The following SOX15 variants were observed in gnomAD, a reference collection of about 807,000 sequenced individuals.
SOX15 encodes the protein transcription factor SOX-15.
In SOX15, 12 loss-of-function variants were observed where a neutral mutation model predicts 15.9. That is an observed-to-expected ratio of 0.75 (90% CI 0.48 to 1.22). The LOEUF is 1.22. Ranked by LOEUF, SOX15 falls within the 50% of genes most tolerant of loss-of-function variation. The pLI is 0.00. For synonymous variants in SOX15, 149 were observed against 142.8 expected, an observed-to-expected ratio of 1.04 and a Z score of -0.31; for missense variants, 309 against 313.9, an observed-to-expected ratio of 0.98 and a Z score of 0.12.
rs1167634617 is a variant in SOX15, at chr17:7,589,657, G to A, written c.20C>T (p.Ser7Leu). 1.3e-6 allele frequency: 2 copies of A among 1,543,128 alleles called. No individual in the cohort carries two copies. The highest frequency in any genetic ancestry group is 1.7e-6 in the Non-Finnish European group (2 of 1,147,732). The change falls in exon 1 of 2, where the codon TCA becomes TTA. Residue 7 changes from serine to leucine, a missense_variant. Coordinates refer to ENST00000250055, the MANE Select transcript of SOX15 (RefSeq NM_006942.2). MALPGSSQDQAWSLEPP... is the reference protein window; with the variant it reads MALPGSLQDQAWSLEPP... ...CTCCAGGCTCCAGGCCTGGTCCTGT[G>A]AGGAGCCTGGTAGCGCCATGGGTTG...
In SOX15 at chr17:7,588,692, G is replaced by A. The variant is rs2071624969; in HGVS notation, c.534-146C>T. The A allele has an allele frequency of 9.2e-6, 8 of 874,042 alleles. No homozygotes were observed. The East Asian group carries it at 1.0e-4, about 11-fold the overall frequency. 54.1% of individuals were successfully genotyped at this position (874,042 alleles called of 1,614,324 possible). ...CGCAGCAGGCATGGAAGCCGACCCC[G>A]GGATGGAGAGCCCGCGGCCCTGTTG... On this transcript the variant is annotated intron_variant, in intron 1 of 1. Transcript: ENST00000250055.
Position 7,589,777 on chromosome 17 carries a change from C to G in SOX15, c.-101G>C. ...GGTCTTCCCAGTCTGGAGTCGTTGC[C>G]GAGGAACTTGGGTCCTTAAAAAGTG... is the stretch of plus-strand genomic sequence containing the variant. On this transcript the variant is annotated 5_prime_UTR_variant, in exon 1 of 2. Coordinates refer to ENST00000250055, the MANE Select transcript of SOX15 (RefSeq NM_006942.2). 1.8e-6 allele frequency: 2 copies of G among 1,102,684 alleles called. No homozygotes were observed. Among genetic ancestry groups the G allele is most frequent in the Non-Finnish European group, 2.5e-6 (2 of 793,952 alleles). 68.3% of individuals were successfully genotyped at this position (1,102,684 alleles called of 1,614,324 possible).
At position 7,589,228 on chromosome 17, in the gene SOX15, G is replaced by C; in HGVS notation, c.449C>G (p.Pro150Arg). The change falls in exon 1 of 2, where the codon CCG becomes CGG. Residue 150 changes from proline (P) to arginine (R), a missense_variant. Pro to Arg is a moderately radical substitution (Grantham distance 103). Transcript: ENST00000250055. ...GCTCGGTTGGGTGGTCGCGTACCCC[G>C]GCCCCCAGAGCGGGCCGCCGCTGGC... ...NLASGGPLWG[P>R]GYATTQPSRG... The C allele has an allele frequency of 6.5e-7, 1 of 1,544,468 alleles. No individual in the cohort carries two copies. The highest frequency in any genetic ancestry group is 8.7e-7 in the Non-Finnish European group (1 of 1,144,128).
chr17:7,589,097 G>C, intron 1 of SOX15, 47 bp downstream of exon 1: 1 of 1,428,862 alleles, frequency 7.0e-7, no homozygotes, highest in Non-Finnish European at 9.2e-7. Context: ...GGCTCCAGAA[G>C]AGGGGCGCAT....
intron 1 of SOX15, 171 bp downstream of exon 1, chr17:7,588,973 A>G: frequency 1.6e-6 from 1 of 626,044 alleles, no homozygotes; most frequent in Non-Finnish European, 2.7e-6. Context: ...GAGAACCCTG[A>G]TCCGCCCCAC....
chr17:7,589,240 G>T lies in SOX15; in HGVS notation c.437C>A (p.Pro146Gln), dbSNP rs767115405. 5 of 1,546,906 alleles carry T rather than the reference G, an allele frequency of 3.2e-6. No individual in the cohort carries two copies. In the African/African-American group the frequency reaches 6.8e-5, roughly 21 times the overall value. ...GGTCGCGTACCCCGGCCCCCAGAGC[G>T]GGCCGCCGCTGGCCAGGTTGCCTCT... is the stretch of plus-strand genomic sequence containing the variant. ...QGRGNLASGG[P>Q]LWGPGYATTQ... Residue 146 changes from proline to glutamine, a missense_variant, in exon 1 of 2, where the codon CCG becomes CAG. Coordinates refer to ENST00000250055, the MANE Select transcript of SOX15 (RefSeq NM_006942.2).
rs775812019 is a variant in SOX15, at chr17:7,589,479, C to T, written c.198G>A (p.Gln66=). 21 of 1,613,694 alleles carry T rather than the reference C, an allele frequency of 1.3e-5. No homozygotes were observed. The highest frequency in any genetic ancestry group is 1.7e-4 in the Middle Eastern group (1 of 6,060). ...GCATCTTGGGGTTCTGCTGCGCCAT[C>T]TGGCGGCGCTGAGCGGAGCTCCACA... ...FMVWSSAQRR[Q]MAQQNPKMHN... is the part of the protein sequence containing the mutation. The change falls in exon 1 of 2, where the codon CAG becomes CAA. Residue 66 remains glutamine (Q), a synonymous_variant. Transcript: ENST00000250055.
chr17:7,588,963 G>A (rs2150937723), intron 1 of SOX15, 181 bp downstream of exon 1: 2 of 611,758 alleles, frequency 3.3e-6, no homozygotes, highest in South Asian at 4.2e-5. Flanking sequence ...CGCCCTCTGG[G>A]AGAACCCTGA....
chr17:7,589,397 C>T lies in SOX15; in HGVS notation c.280G>A (p.Glu94Lys), dbSNP rs765144990. The T allele has an allele frequency of 6.2e-7, 1 of 1,613,020 alleles. No homozygotes were observed. The highest frequency in any genetic ancestry group is 1.3e-5 in the African/African-American group (1 of 74,890). The change falls in exon 1 of 2, where the codon GAG becomes AAG. Residue 94 changes from glutamate (E) to lysine (K), a missense_variant. By Grantham distance (56) the Glu-to-Lys change is moderately conservative. Coordinates refer to ENST00000250055, the MANE Select transcript of SOX15 (RefSeq NM_006942.2). ...GCCTCCTCCACGAAGGGCCGCTTCT[C>T]GTCCTCGTCCAGCAGCTTCCACTGC... Reference protein sequence around the residue: ...GAQWKLLDEDEKRPFVEEAKR... With the variant: ...GAQWKLLDEDKKRPFVEEAKR...
chr17:7,588,930 C>T, intron 1 of SOX15: 1 of 591,358 alleles, frequency 1.7e-6, no homozygotes, highest in Admixed American at 3.2e-5. Flanking sequence ...ACAGGGCCCA[C>T]CACCTTCAGA....
Position 7,589,847 on chromosome 17 carries a change from C to T in SOX15, c.-171G>A. 1 of 633,624 alleles carries T rather than the reference C, an allele frequency of 1.6e-6. No homozygotes were observed. The highest frequency in any genetic ancestry group is 2.9e-5 in the East Asian group (1 of 34,436). The allele number at this position is 633,624 out of a possible 1,614,324, so 39.3% of individuals were successfully genotyped here. A position where few individuals can be genotyped will look rare whatever the true frequency, so the allele number is the denominator to read the frequency against. On this transcript the variant is annotated 5_prime_UTR_variant, in exon 1 of 2. Coordinates refer to ENST00000250055, the MANE Select transcript of SOX15 (RefSeq NM_006942.2). The stretch of plus-strand genomic sequence containing the variant: ...GAGCTTAAACCGGAGCCTTTGCTTC[C>T]AACCTGTTCGGCACACTTTGGGGAG...
chr17:7,589,116 G>A lies in SOX15; in HGVS notation c.533+28C>T, dbSNP rs888156127. ...CCAGAAGAGGGGCGCATGGGCCTCC[G>A]TCTTCGGCCCGCTTCCCAGGCACTC... On this transcript the variant is annotated intron_variant, in intron 1 of 1. Transcript: ENST00000250055. The A allele has an allele frequency of 1.4e-5, 21 of 1,453,074 alleles. No individual in the cohort carries two copies. The African/African-American group carries it at 2.3e-4, about 16-fold the overall frequency. 90.0% of individuals were successfully genotyped at this position (1,453,074 alleles called of 1,614,324 possible).
Position 7,589,603 on chromosome 17 carries a change from G to T in SOX15, c.74C>A (p.Ser25Ter). The T allele has an allele frequency of 1.3e-6, 2 of 1,564,016 alleles. No homozygotes were observed. The highest frequency in any genetic ancestry group is 2.4e-5 in the East Asian group (1 of 41,896). Reference protein sequence around the residue: ...EPPAATAAASSSSGPQEREGA... With the variant: ...EPPAATAAAS ...CTCCCGCTCCTGGGGTCCCGAAGATGAGGAGGCAGCAGCCGTGGCAGCCGG... is the reference window on the plus strand; with the variant it reads ...CTCCCGCTCCTGGGGTCCCGAAGATTAGGAGGCAGCAGCCGTGGCAGCCGG... The change falls in exon 1 of 2, where the codon TCA becomes TAA. Residue 25 changes from serine to a stop codon, truncating the protein, a stop_gained. Transcript: ENST00000250055. LOFTEE classifies it high-confidence loss of function.
In SOX15 at chr17:7,589,579, T is replaced by A; in HGVS notation, c.98A>T (p.Glu33Val). 1 of 1,580,298 alleles carries A rather than the reference T, an allele frequency of 6.3e-7. No homozygotes were observed. Among genetic ancestry groups the A allele is most frequent in the Non-Finnish European group, 8.6e-7 (1 of 1,165,632 alleles). ...ASSSSGPQER[E>V]GAGSPAAPGT... ...GGGGGCCGCGGGGCTCCCAGCGCCC[T>A]CCCGCTCCTGGGGTCCCGAAGATGA... The change falls in exon 1 of 2, where the codon GAG (glutamate) becomes GTG (valine). Residue 33 changes from glutamate to valine, a missense_variant. Physicochemically the swap from Glu to Val is moderately radical, Grantham distance 121. Coordinates refer to ENST00000250055, the MANE Select transcript of SOX15 (RefSeq NM_006942.2).
Position 7,590,069 on chromosome 17 carries a change from T to C in SOX15, c.-393A>G, listed in dbSNP as rs369081183. ...GCCAGGCGCGGATAGGCCAGACCTC[T>C]CCCACCTGGGCTCAGCGTTTGTGGC... On this transcript the variant is annotated 5_prime_UTR_variant, in exon 1 of 2. Coordinates refer to ENST00000250055, the MANE Select transcript of SOX15 (RefSeq NM_006942.2). 3.8e-4 allele frequency: 76 copies of C among 202,568 alleles called. 1 individual carries two copies. The South Asian group carries it at 7.3e-3, about 19-fold the overall frequency. 12.5% of individuals were successfully genotyped at this position (202,568 alleles called of 1,614,324 possible).
At chr17:7,588,952 A>G in intron 1 of SOX15, 192 bp downstream of exon 1, 2 of 596,354 alleles carry the variant, frequency 3.4e-6, no homozygotes, top group South Asian at 2.2e-5. Flanking sequence ...TGAGATGGAA[A>G]CGCCCTCTGG....
chr17:7,589,487 G>A lies in SOX15; in HGVS notation c.190C>T (p.Arg64Cys). 6.2e-7 allele frequency: 1 copy of A among 1,613,430 alleles called. No homozygotes were observed. The highest frequency in any genetic ancestry group is 8.5e-7 in the Non-Finnish European group (1 of 1,179,808). Residue 64 changes from arginine to cysteine, a missense_variant, in exon 1 of 2, where the codon CGC becomes TGC. By Grantham distance (180) the Arg-to-Cys change is radical (BLOSUM62 -3). Transcript: ENST00000250055. ...NAFMVWSSAQ[R>C]RQMAQQNPKM... ...GGGTTCTGCTGCGCCATCTGGCGGC[G>A]CTGAGCGGAGCTCCACACCATGAAC...
intron 1 of SOX15, 96 bp downstream of exon 1, chr17:7,589,048 T>G: frequency 8.2e-7 from 1 of 1,217,318 alleles, no homozygotes; most frequent in Non-Finnish European, 1.1e-6. Context: ...TGGCCTCTGC[T>G]TGGGTGGGCT....
chr17:7,589,533 C>T lies in SOX15; in HGVS notation c.144G>A (p.Lys48=). ...TGAACGCGTTCATCGGCCGCTTCACCTTCTCCAGGGGCAGCGTCCCGGGGG... is the reference window on the plus strand; with the variant it reads ...TGAACGCGTTCATCGGCCGCTTCACTTTCTCCAGGGGCAGCGTCCCGGGGG... ...PAAPGTLPLE[K]VKRPMNAFMV... is the part of the protein sequence containing the mutation. The change falls in exon 1 of 2, where the codon AAG becomes AAA. Residue 48 remains lysine, a synonymous_variant. Coordinates refer to ENST00000250055, the MANE Select transcript of SOX15 (RefSeq NM_006942.2). The T allele has an allele frequency of 6.2e-7, 1 of 1,610,416 alleles. No homozygotes were observed. Among genetic ancestry groups the T allele is most frequent in the Non-Finnish European group, 8.5e-7 (1 of 1,178,902 alleles).
Sources: gnomAD v4.1 joint callset for allele counts on GRCh38, gnomAD v4.1.1 for gene constraint, MANE v1.5 for transcripts, NCBI Gene and HGNC (gene_info 2026-07-23, HGNC 2026-07-21) for gene names.